Variants in MED12L observed in about 807,000 individuals in gnomAD.
MED12L encodes the protein mediator of RNA polymerase II transcription subunit 12-like protein.
A neutral mutation model predicts 281.3 loss-of-function variants in MED12L; 60 were observed. The ratio of observed to expected loss-of-function variants is 0.21; its 90% confidence interval spans 0.17 to 0.26. The LOEUF (loss-of-function observed/expected upper bound fraction) is 0.26. Ranked by LOEUF, MED12L falls within the 10% of genes least tolerant of loss-of-function variation. MED12L has a pLI of 1.00. For synonymous variants in MED12L, 974 were observed against 987.2 expected (o/e 0.99, Z 0.25); for missense variants, 2,146 against 2,680.9 (o/e 0.80, Z 4.41).
chr3:151,390,825 G>A (rs1188426734), intron 38 of MED12L, among the ~76,000 whole-genome samples: 4 of 152,078 alleles, frequency 2.6e-5, no homozygotes, highest in African/African-American at 7.2e-5. Context: ...GACATTTTGA[G>A]GTCTGTGGAA....
At chr3:151,111,811 A>G (rs958889580) in intron 2 of MED12L, among the ~76,000 whole-genome samples, 2 of 152,096 alleles carry the variant, frequency 1.3e-5, no homozygotes, top group Non-Finnish European at 2.9e-5. Context: ...TGTGGCTCTC[A>G]CTGGAAGTGC....
intron 16 of MED12L, among the ~76,000 whole-genome samples, chr3:151,290,796 C>T (rs1205888711): frequency 6.6e-6 from 1 of 152,120 alleles, no homozygotes; most frequent in African/African-American, 2.4e-5. Context: ...AAGTGCTAGG[C>T]TGTGTTACTG....
At chr3:151,140,917 G>T (rs1041836011) in intron 5 of MED12L, among the ~76,000 whole-genome samples, 1 of 152,128 alleles carries the variant, frequency 6.6e-6, no homozygotes, top group Non-Finnish European at 1.5e-5. Flanking sequence ...GCCCAGGCTG[G>T]AGTGCAGTGG....
rs142051791 is a variant in MED12L, at chr3:151,162,961, G to A, written c.1108-932G>A. Among the ~76,000 whole-genome samples, 7 of 152,166 alleles carry A rather than the reference G, an allele frequency of 4.6e-5. No homozygotes were observed. The East Asian group carries it at 1.2e-3, about 25-fold the overall frequency. ...CTCATAGGGTTAAGGTTATGATGACGGAAAGCTTCCAAGATAGTGTTCAGC... is the reference window on the plus strand; with the variant it reads ...CTCATAGGGTTAAGGTTATGATGACAGAAAGCTTCCAAGATAGTGTTCAGC... On this transcript the variant is annotated intron_variant, in intron 8 of 44. Coordinates refer to ENST00000687756, the MANE Select transcript of MED12L (RefSeq NM_001393769.1).
intron 21 of MED12L, among the ~76,000 whole-genome samples, chr3:151,362,998 A>G (rs1005747016): frequency 2.0e-5 from 3 of 152,000 alleles, no homozygotes; most frequent in Admixed American, 6.6e-5. Flanking sequence ...TTTAATAGTG[A>G]ACTTCCTCAG....
intron 5 of MED12L, among the ~76,000 whole-genome samples, chr3:151,132,333 T>G (rs2148822233): frequency 6.6e-6 from 1 of 152,324 alleles, no homozygotes; most frequent in African/African-American, 2.4e-5. Context: ...CCAGTGTCTG[T>G]GTTGCCTTTG....
chr3:151,202,796 G>A (rs1392719233), intron 16 of MED12L, among the ~76,000 whole-genome samples: 2 of 152,158 alleles, frequency 1.3e-5, no homozygotes, highest in Non-Finnish European at 2.9e-5. Flanking sequence ...GTTGTTCCCT[G>A]TTGTGAAGAT....
chr3:151,237,651 G>A (rs1197827094), intron 16 of MED12L, among the ~76,000 whole-genome samples: 2 of 151,848 alleles, frequency 1.3e-5, no homozygotes, highest in African/African-American at 2.4e-5. Flanking sequence ...GCGCCCAGCC[G>A]CCAAACTGTT....
At chr3:151,358,217 T>G (rs983515431) in intron 20 of MED12L, among the ~76,000 whole-genome samples, 1 of 152,182 alleles carries the variant, frequency 6.6e-6, no homozygotes, top group African/African-American at 2.4e-5. Context: ...TTATTTGTAT[T>G]AATTACATGT....
chr3:151,161,899 A>T (rs952028349), intron 8 of MED12L, among the ~76,000 whole-genome samples: 4 of 152,222 alleles, frequency 2.6e-5, no homozygotes, highest in African/African-American at 9.6e-5. Context: ...GTAGTCTTTA[A>T]CAATATAGTG....
chr3:151,165,266 A>T (rs772794775), intron 9 of MED12L, among the ~76,000 whole-genome samples, 154 bp from the exon 10 acceptor site: 7 of 152,204 alleles, frequency 4.6e-5, no homozygotes, highest in Non-Finnish European at 8.8e-5. Flanking sequence ...AATTTTAAAA[A>T]TTCACTTATT....
At chr3:151,266,444 C>T (rs1406498003) in intron 16 of MED12L, among the ~76,000 whole-genome samples, 1 of 152,178 alleles carries the variant, frequency 6.6e-6, no homozygotes, top group Non-Finnish European at 1.5e-5. Context: ...TAACATTAAA[C>T]ACAGGTTGCC....
chr3:151,216,451 T>TA (rs956190587), intron 16 of MED12L, among the ~76,000 whole-genome samples: 1 of 152,190 alleles, frequency 6.6e-6, no homozygotes, highest in Non-Finnish European at 1.5e-5. Flanking sequence ...ACATTCCACA[T>TA]AAAAAATAGT....
intron 16 of MED12L, among the ~76,000 whole-genome samples, chr3:151,323,261 G>T (rs1560027060): frequency 6.6e-6 from 1 of 152,194 alleles, no homozygotes. Context: ...TACATGGAAA[G>T]CCTCTTTAAT....
intron 16 of MED12L, chr3:151,295,135 G>C: frequency 6.2e-7 from 1 of 1,613,330 alleles, no homozygotes; most frequent in East Asian, 2.2e-5. Context: ...CAAATTCATT[G>C]TGAAGGGTGG....
intron 26 of MED12L, among the ~76,000 whole-genome samples, chr3:151,371,548 C>T (rs962763798): frequency 2.0e-5 from 3 of 151,998 alleles, no homozygotes; most frequent in African/African-American, 7.2e-5. Context: ...AGTAAATACT[C>T]AGTAAGCCAT....
intron 16 of MED12L, among the ~76,000 whole-genome samples, chr3:151,275,397 A>G (rs895883390): frequency 6.6e-6 from 1 of 152,172 alleles, no homozygotes; most frequent in Non-Finnish European, 1.5e-5. Flanking sequence ...TCAGAACATG[A>G]TATCTAAGGC....
chr3:151,101,144 G>A (rs16863155), intron 2 of MED12L, among the ~76,000 whole-genome samples: 9,731 of 152,144 alleles, frequency 0.064, 670 homozygotes, highest in East Asian at 0.17. Flanking sequence ...GCAATGCTCT[G>A]GAAGTTAATG....
At chr3:151,351,678 G>A (rs886558823) in intron 17 of MED12L, among the ~76,000 whole-genome samples, 4 of 152,116 alleles carry the variant, frequency 2.6e-5, no homozygotes, top group African/African-American at 9.7e-5. Flanking sequence ...TTGGCAATGG[G>A]GTAGGGGGGA....
Sources: gnomAD v4.1 joint callset for allele counts (sites outside exome capture counted in the v4.1 genomes callset) on GRCh38, gnomAD v4.1.1 for gene constraint, MANE v1.5 for transcripts, NCBI Gene and HGNC (gene_info 2026-07-23, HGNC 2026-07-21) for gene names.